KIAA0825: variants seen among roughly 807,000 people sequenced by gnomAD.
The protein encoded by KIAA0825 is uncharacterized protein KIAA0825.
Under a neutral mutation model 147.6 loss-of-function variants are expected in KIAA0825, and 119 were observed. The observed-to-expected ratio is 0.81, with a 90% CI of 0.69 to 0.94. The LOEUF is 0.94. KIAA0825 is among the 40% of genes least tolerant of loss of function. The pLI is 0.00. For synonymous variants in KIAA0825, 470 were observed against 518.1 expected (o/e 0.91, Z 1.26); for missense variants, 1,381 against 1,472.7 (o/e 0.94, Z 1.02).
chr5:94,551,830 A>C (rs1193861883), intron 2 of KIAA0825, among the ~76,000 whole-genome samples: 1 of 152,024 alleles, frequency 6.6e-6, no homozygotes, highest in African/African-American at 2.4e-5. Context: ...CTACAGAAAA[A>C]CCATCAAACT....
At chr5:94,283,962 A>G (rs984512452) in intron 20 of KIAA0825, among the ~76,000 whole-genome samples, 8 of 152,172 alleles carry the variant, frequency 5.3e-5, no homozygotes, top group African/African-American at 1.7e-4. Flanking sequence ...CAGTTGTTCT[A>G]TTACACACTG....
chr5:94,189,031 T>C (rs1033357437), intron 20 of KIAA0825, among the ~76,000 whole-genome samples: 4 of 152,200 alleles, frequency 2.6e-5, no homozygotes, highest in African/African-American at 4.8e-5. Context: ...TAACTATCAA[T>C]GTTGAGTATC....
At position 94,152,757 on chromosome 5, in the gene KIAA0825, T is replaced by TTGAACTA. The variant is rs1766589313; in HGVS notation, c.*1243_*1249dup. 7.4e-6 allele frequency among the ~76,000 whole-genome samples: 1 copy of TTGAACTA among 136,050 alleles called. No individual in the cohort carries two copies. Among genetic ancestry groups the TTGAACTA allele is most frequent in the African/African-American group, 2.8e-5 (1 of 35,632 alleles). 89.3% of individuals were successfully genotyped at this position (136,050 alleles called of 152,430 possible). On this transcript the variant is annotated 3_prime_UTR_variant, in exon 21 of 21. Coordinates refer to ENST00000682413, the MANE Select transcript of KIAA0825 (RefSeq NM_001145678.3). Reference sequence around the variant, plus strand: ...TTGAGCCTATGAGTTTGAGGTTACATTGAACTATGATCATGCCACTGCACT... The same window carrying TTGAACTA: ...TTGAGCCTATGAGTTTGAGGTTACATTGAACTATGAACTATGATCATGCCACTGCACT...
At chr5:94,579,111 G>A (rs1179549527) in intron 2 of KIAA0825, among the ~76,000 whole-genome samples, 4 of 152,074 alleles carry the variant, frequency 2.6e-5, no homozygotes, top group African/African-American at 7.2e-5. Flanking sequence ...TAGTAGAGAC[G>A]GGGTTTCACT....
chr5:94,197,137 T>C (rs1020034603), intron 20 of KIAA0825, among the ~76,000 whole-genome samples: 1 of 152,206 alleles, frequency 6.6e-6, no homozygotes. Context: ...CTGGTGTGTC[T>C]TGACTTTTTA....
rs530268655 is a variant in KIAA0825 at position 94,507,931 on chromosome 5, T to C, written c.970+12317A>G. On this transcript the variant is annotated intron_variant, in intron 5 of 20. Transcript: ENST00000682413. ...TAGCAATAATGTGCTCCTCTGATCT[T>C]AGTGATATTCACTTTTAAGTGATGC... is the stretch of plus-strand genomic sequence containing the variant. 3.3e-5 allele frequency among the ~76,000 whole-genome samples: 5 copies of C among 152,312 alleles called. No homozygotes were observed. The South Asian group carries it at 1.0e-3, about 32-fold the overall frequency.
intron 20 of KIAA0825, among the ~76,000 whole-genome samples, chr5:94,310,796 T>G (rs1295656752): frequency 2.0e-5 from 3 of 151,734 alleles, no homozygotes; most frequent in Non-Finnish European, 3.0e-5. Context: ...AAAACCATTA[T>G]GTATAATATA....
chr5:94,450,890 CT>C (rs1211247084), intron 13 of KIAA0825, among the ~76,000 whole-genome samples: 1 of 152,108 alleles, frequency 6.6e-6, no homozygotes, highest in Non-Finnish European at 1.5e-5. Flanking sequence ...CTGCTCTTCC[CT>C]TTGAAAGGTG....
chr5:94,410,151 G>A (rs1432198391), intron 15 of KIAA0825, among the ~76,000 whole-genome samples: 2 of 147,614 alleles, frequency 1.4e-5, no homozygotes, highest in African/African-American at 4.9e-5. Flanking sequence ...AAGGATACCT[G>A]TAATAAAAAT....
chr5:94,284,801 G>T (rs184590491), intron 20 of KIAA0825, among the ~76,000 whole-genome samples: 8 of 152,042 alleles, frequency 5.3e-5, no homozygotes, highest in African/African-American at 1.9e-4. Context: ...TCCTTTGATT[G>T]CCCATTCATC....
At chr5:94,312,426 G>A (rs17083580) in intron 20 of KIAA0825, among the ~76,000 whole-genome samples, 2 of 151,568 alleles carry the variant, frequency 1.3e-5, no homozygotes, top group Non-Finnish European at 3.0e-5. Context: ...TGCGCTACCT[G>A]CTAAGAAATG....
intron 20 of KIAA0825, among the ~76,000 whole-genome samples, chr5:94,359,938 T>C (rs183123141): frequency 3.3e-5 from 5 of 152,340 alleles, no homozygotes; most frequent in Admixed American, 1.3e-4. Context: ...ACATTGCTAA[T>C]TGATTACAGC....
intron 5 of KIAA0825, among the ~76,000 whole-genome samples, chr5:94,508,005 A>G (rs1481023542): frequency 1.3e-5 from 2 of 152,194 alleles, no homozygotes; most frequent in African/African-American, 4.8e-5. Context: ...TCATCTAGTC[A>G]GTCTGTCTTG....
intron 20 of KIAA0825, among the ~76,000 whole-genome samples, chr5:94,262,051 A>G (rs1041859960): frequency 2.0e-5 from 3 of 152,160 alleles, no homozygotes; most frequent in African/African-American, 7.2e-5. Flanking sequence ...TAGGTCATAA[A>G]GTGGCAAAAA....
intron 2 of KIAA0825, among the ~76,000 whole-genome samples, chr5:94,558,504 TCTC>T (rs1776979723): frequency 1.3e-5 from 2 of 152,216 alleles, no homozygotes; most frequent in Non-Finnish European, 2.9e-5. Context: ...CAATAAATCT[TCTC>T]CATGCTCCAC....
chr5:94,510,056 G>T (rs543919568), intron 5 of KIAA0825, among the ~76,000 whole-genome samples: 2 of 152,090 alleles, frequency 1.3e-5, no homozygotes, highest in East Asian at 3.8e-4. Flanking sequence ...CTCTGACAAC[G>T]ATCATCAAAA....
intron 18 of KIAA0825, among the ~76,000 whole-genome samples, chr5:94,386,606 A>G (rs1347688474): frequency 2.6e-5 from 4 of 152,214 alleles, no homozygotes; most frequent in Non-Finnish European, 1.5e-5. Flanking sequence ...AAACAGGTTT[A>G]CCTAATATTT....
intron 1 of KIAA0825, among the ~76,000 whole-genome samples, chr5:94,588,715 G>A (rs752960152): frequency 3.9e-5 from 6 of 152,028 alleles, no homozygotes; most frequent in Non-Finnish European, 4.4e-5. Context: ...TATAAATCAT[G>A]GTACTATAGA....
At chr5:94,212,560 T>G (rs1042420503) in intron 20 of KIAA0825, among the ~76,000 whole-genome samples, 1 of 152,196 alleles carries the variant, frequency 6.6e-6, no homozygotes, top group African/African-American at 2.4e-5. Context: ...CATGGGACTA[T>G]GGGCAACATA....
Sources: allele counts gnomAD v4.1 joint callset (sites outside exome capture counted in the v4.1 genomes callset), GRCh38; gene constraint gnomAD v4.1.1; transcripts MANE v1.5; gene names NCBI Gene and HGNC (gene_info 2026-07-23, HGNC 2026-07-21).